FRYL: variants seen among roughly 807,000 people sequenced by gnomAD.
FRYL encodes protein furry homolog-like.
A neutral mutation model predicts 351.2 loss-of-function variants in FRYL; 150 were observed. That is an observed-to-expected ratio of 0.43 (90% CI 0.37 to 0.49). FRYL has a LOEUF of 0.49. Ranked by LOEUF, FRYL falls within the 20% of genes least tolerant of loss-of-function variation. The probability of loss-of-function intolerance (pLI) is 0.00; values close to 1 mark genes in which losing one functional copy is unlikely to be tolerated. For missense variants in FRYL, 3,036 were observed against 3,619.3 expected (o/e 0.84, Z 4.13); for synonymous variants, 1,153 against 1,257.1 (o/e 0.92, Z 1.75).
At chr4:48,694,679 G>A (rs1765987254) in intron 2 of FRYL, among the ~76,000 whole-genome samples, 1 of 152,122 alleles carries the variant, frequency 6.6e-6, no homozygotes, top group South Asian at 2.1e-4. Context: ...TGCTTTGGTA[G>A]TCTCTAACGT....
chr4:48,759,903 T>C (rs1409575159), intron 1 of FRYL, among the ~76,000 whole-genome samples: 3 of 152,314 alleles, frequency 2.0e-5, no homozygotes, highest in Admixed American at 1.3e-4. Context: ...CCATGGAACA[T>C]AACATGCACA....
Position 48,551,594 on chromosome 4 carries a change from A to G in FRYL, c.4436-16T>C. 1 of 1,531,216 alleles carries G rather than the reference A, an allele frequency of 6.5e-7. No homozygotes were observed. The highest frequency in any genetic ancestry group is 9.0e-7 in the Non-Finnish European group (1 of 1,105,436). The allele number at this position is 1,531,216 out of a possible 1,614,324, so 94.9% of individuals were successfully genotyped here. A position where few individuals can be genotyped will look rare whatever the true frequency, so the allele number is the denominator to read the frequency against. ...GAAGTAGTTCCTGTAATCAAAGACA[A>G]AGCAGTACTCGTGAATCTACAAACC... On this transcript the variant is annotated splice_polypyrimidine_tract_variant and intron_variant, in intron 36 of 63. Transcript: ENST00000358350.
intron 19 of FRYL, among the ~76,000 whole-genome samples, chr4:48,584,922 A>ACTAAT (rs1741775080): frequency 6.6e-6 from 1 of 152,246 alleles, no homozygotes; most frequent in African/African-American, 2.4e-5. Flanking sequence ...CCATTGAGGT[A>ACTAAT]AATTATTAGT....
rs369399363 is a variant in FRYL, at chr4:48,614,815, CTTTTTTTTTTTTTTT to C, written c.411+4444_411+4458del. Among the ~76,000 whole-genome samples the C allele has an allele frequency of 1.7e-3, 115 of 67,960 alleles. 1 individual carries two copies. The highest frequency in any genetic ancestry group is 6.5e-3 in the African/African-American group (108 of 16,700). The allele number at this position is 67,960 out of a possible 152,430, so 44.6% of individuals were successfully genotyped here. A position where few individuals can be genotyped will look rare whatever the true frequency, so the allele number is the denominator to read the frequency against. Reference sequence around the variant, plus strand: ...CACTACCACTGCCAAAAGTTTAATGCTTTTTTTTTTTTTTTTTTTTTTTTTTTTTGAGACGGAGTC... The same window carrying C: ...CACTACCACTGCCAAAAGTTTAATGCTTTTTTTTTTTTTTGAGACGGAGTC... On this transcript the variant is annotated intron_variant, in intron 7 of 63. Transcript: ENST00000358350.
intron 3 of FRYL, among the ~76,000 whole-genome samples, chr4:48,675,150 C>T (rs1763381752): frequency 6.6e-6 from 1 of 152,222 alleles, no homozygotes; most frequent in South Asian, 2.1e-4. Context: ...CGGGTTCACG[C>T]CATTCTCCTG....
chr4:48,729,662 G>A (rs1770505783), intron 1 of FRYL, among the ~76,000 whole-genome samples: 1 of 152,066 alleles, frequency 6.6e-6, no homozygotes, highest in Non-Finnish European at 1.5e-5. Flanking sequence ...CCTATTAGAA[G>A]GAAAACTAAT....
At chr4:48,638,761 G>A (rs1408168196) in intron 3 of FRYL, among the ~76,000 whole-genome samples, 1 of 152,194 alleles carries the variant, frequency 6.6e-6, no homozygotes, top group Non-Finnish European at 1.5e-5. Flanking sequence ...CATACACCAT[G>A]GAATACTATG....
At chr4:48,671,847 C>A (rs1221901853) in intron 3 of FRYL, among the ~76,000 whole-genome samples, 1 of 89,954 alleles carries the variant, frequency 1.1e-5, no homozygotes. Flanking sequence ...AGAGAGACTC[C>A]GTCTCAAAAA....
chr4:48,688,179 G>A (rs978404204), intron 2 of FRYL, among the ~76,000 whole-genome samples: 5 of 152,130 alleles, frequency 3.3e-5, no homozygotes, highest in African/African-American at 1.2e-4. Context: ...ATCTATGAAG[G>A]TCAATTCCTG....
At chr4:48,639,911 T>A (rs1256751229) in intron 3 of FRYL, among the ~76,000 whole-genome samples, 1 of 152,110 alleles carries the variant, frequency 6.6e-6, no homozygotes, top group East Asian at 1.9e-4. Context: ...TGAAAAGATG[T>A]GCAACCTCAT....
chr4:48,499,599 CT>C lies in FRYL; in HGVS notation c.8864del (p.Gln2955ArgfsTer12). On this transcript the variant is annotated frameshift_variant, in exon 64 of 64. Coordinates refer to ENST00000358350, the MANE Select transcript of FRYL (RefSeq NM_015030.2). LOFTEE classifies it high-confidence loss of function. ...CAAAGCTTCCTGTCTGGCCCAGCGTCTGATGATGGAAATATATATGTAACAG... is the reference window on the plus strand; with the variant it reads ...CAAAGCTTCCTGTCTGGCCCAGCGTCGATGATGGAAATATATATGTAACAG... The part of the protein sequence containing the change: ...QTLLHIYFHH[Q>X]TLGQTGSFAV... 6.2e-7 allele frequency: 1 copy of C among 1,614,104 alleles called. No individual in the cohort carries two copies. The highest frequency in any genetic ancestry group is 8.5e-7 in the Non-Finnish European group (1 of 1,179,980).
At chr4:48,501,988 A>G (rs1335391422) in intron 61 of FRYL, among the ~76,000 whole-genome samples, 1 of 152,246 alleles carries the variant, frequency 6.6e-6, no homozygotes, top group Non-Finnish European at 1.5e-5. Context: ...AGACTGTTTC[A>G]GCAGGCAATT....
At chr4:48,760,455 T>C (rs766637283) in intron 1 of FRYL, among the ~76,000 whole-genome samples, 9 of 152,214 alleles carry the variant, frequency 5.9e-5, no homozygotes, top group Non-Finnish European at 1.3e-4. Flanking sequence ...CTTAGGGTTG[T>C]CTATACACAT....
At chr4:48,649,478 C>T (rs1757206336) in intron 3 of FRYL, among the ~76,000 whole-genome samples, 2 of 152,162 alleles carry the variant, frequency 1.3e-5, no homozygotes, top group African/African-American at 4.8e-5. Context: ...AATTAATATG[C>T]TTACAAGAGG....
intron 12 of FRYL, 41 bp from the exon 13 acceptor site, chr4:48,602,162 C>T (rs373670487): frequency 1.7e-5 from 17 of 998,584 alleles, no homozygotes; most frequent in South Asian, 1.2e-4. Context: ...CATTTTTCAT[C>T]GAAAAGCACT....
At chr4:48,558,807 C>T (rs372451842) in intron 33 of FRYL, among the ~76,000 whole-genome samples, 19 of 152,180 alleles carry the variant, frequency 1.2e-4, no homozygotes, top group Non-Finnish European at 2.2e-4. Flanking sequence ...TGAACAATTA[C>T]CAAATGGCCA....
Position 48,716,613 on chromosome 4 carries a change from C to T in FRYL, c.-383-5915G>A, listed in dbSNP as rs1057357526. Among the ~76,000 whole-genome samples, 10 of 151,448 alleles carry T rather than the reference C, an allele frequency of 6.6e-5. 1 individual carries two copies. The highest frequency in any genetic ancestry group is 1.5e-4 in the Non-Finnish European group (10 of 67,828). On this transcript the variant is annotated intron_variant, in intron 1 of 63. Coordinates refer to ENST00000358350, the MANE Select transcript of FRYL (RefSeq NM_015030.2). Reference sequence around the variant, plus strand: ...GTTAGAATGGCAATCATTAAAAAGTCAGGAAACAACAGGTGCTGGAGAGGA... The same window carrying T: ...GTTAGAATGGCAATCATTAAAAAGTTAGGAAACAACAGGTGCTGGAGAGGA...
chr4:48,587,311 A>G (rs1742304202), intron 18 of FRYL, among the ~76,000 whole-genome samples: 1 of 151,958 alleles, frequency 6.6e-6, no homozygotes, highest in African/African-American at 2.4e-5. Context: ...AAATCCTGGT[A>G]CCTCTAGAGG....
chr4:48,719,291 A>G (rs1428941156), intron 1 of FRYL, among the ~76,000 whole-genome samples: 1 of 151,568 alleles, frequency 6.6e-6, no homozygotes, highest in Non-Finnish European at 1.5e-5. Context: ...GCCTTCCTAC[A>G]CACAGATCTA....
Sources: allele counts gnomAD v4.1 joint callset (sites outside exome capture counted in the v4.1 genomes callset), GRCh38; gene constraint gnomAD v4.1.1; transcripts MANE v1.5; gene names NCBI Gene and HGNC (gene_info 2026-07-23, HGNC 2026-07-21).